The following ANKRD45 variants were observed in gnomAD, a reference collection of about 807,000 sequenced individuals.
ANKRD45 encodes ankyrin repeat domain-containing protein 45.
Under a neutral mutation model 28.1 loss-of-function variants are expected in ANKRD45, and 21 were observed. The ratio of observed to expected loss-of-function variants is 0.75; its 90% confidence interval spans 0.53 to 1.08. ANKRD45 has a LOEUF of 1.08. Among genes scored for constraint, ANKRD45 ranks in the 50% least tolerant of loss-of-function variants. The pLI is 0.00. For missense variants in ANKRD45, 261 were observed against 308.7 expected (o/e 0.85, Z 1.16); for synonymous variants, 86 against 103.9 (o/e 0.83, Z 1.05).
intron 3 of ANKRD45, among the ~76,000 whole-genome samples, chr1:173,641,698 A>G (rs1175480685): frequency 6.6e-6 from 1 of 152,116 alleles, no homozygotes; most frequent in Non-Finnish European, 1.5e-5. Flanking sequence ...GAAAGTAAAA[A>G]CAAGACACTG....
chr1:173,691,894 G>A, the ANKRD45 span, among the ~76,000 whole-genome samples: 1 of 152,238 alleles, frequency 6.6e-6, no homozygotes, highest in Non-Finnish European at 1.5e-5. Context: ...TGACGCACAT[G>A]GCCCCTGCTG....
At chr1:173,649,682 T>C (rs1181050087) in intron 2 of ANKRD45, among the ~76,000 whole-genome samples, 2 of 152,254 alleles carry the variant, frequency 1.3e-5, no homozygotes, top group East Asian at 1.9e-4. Flanking sequence ...CCCTTAGTGG[T>C]TGGGTTCTTT....
Position 173,649,109 on chromosome 1 carries a change from T to G in ANKRD45, c.329-2096A>C, listed in dbSNP as rs180922526. On this transcript the variant is annotated intron_variant, in intron 2 of 5. Coordinates refer to ENST00000333279, the MANE Select transcript of ANKRD45 (RefSeq NM_198493.3). Reference sequence around the variant, plus strand: ...AATTATTGTGTAATATTCCATTGTATGAAAACAATTTATCTACCCTTCTAT... The same window carrying G: ...AATTATTGTGTAATATTCCATTGTAGGAAAACAATTTATCTACCCTTCTAT... 5.6e-4 allele frequency among the ~76,000 whole-genome samples: 86 copies of G among 152,320 alleles called. 1 individual carries two copies. Among genetic ancestry groups the G allele is most frequent in the South Asian group, 3.7e-3 (18 of 4,828 alleles).
Position 173,646,877 on chromosome 1 carries a change from CTG to C in ANKRD45, c.463_464del (p.Gln155AspfsTer2), listed in dbSNP as rs1352993565. The C allele has an allele frequency of 6.2e-7, 1 of 1,614,060 alleles. No homozygotes were observed. The highest frequency in any genetic ancestry group is 1.3e-5 in the African/African-American group (1 of 74,936). On this transcript the variant is annotated frameshift_variant, in exon 3 of 6. Coordinates refer to ENST00000333279, the MANE Select transcript of ANKRD45 (RefSeq NM_198493.3). LOFTEE classifies it high-confidence loss of function. ...RARDVAARYS[Q>X]TECVEFLDWA... Reference sequence around the variant, plus strand: ...AGTCCAGGAATTCAACACACTCAGTCTGAGAATATCTAGCAGCAACATCTCGA... The same window carrying C: ...AGTCCAGGAATTCAACACACTCAGTCAGAATATCTAGCAGCAACATCTCGA...
At chr1:173,671,411 C>T (rs1670252707), upstream of ANKRD45, among the ~76,000 whole-genome samples, 1 of 152,096 alleles carries the variant, frequency 6.6e-6, no homozygotes, top group Non-Finnish European at 1.5e-5. Context: ...TGGGTACATT[C>T]AATTGGTAAG....
At chr1:173,629,376 ATTTT>A (rs1668086302) in intron 3 of ANKRD45, among the ~76,000 whole-genome samples, 1 of 152,198 alleles carries the variant, frequency 6.6e-6, no homozygotes, top group Admixed American at 6.5e-5. Flanking sequence ...CAAAATAGGT[ATTTT>A]GAGGAAACTC....
intron 5 of ANKRD45, among the ~76,000 whole-genome samples, chr1:173,621,920 C>T (rs1321532155): frequency 1.3e-5 from 2 of 152,078 alleles, no homozygotes; most frequent in Non-Finnish European, 2.9e-5. Context: ...ATTATCTCAG[C>T]CCAAAAGCTT....
At chr1:173,655,010 A>G (rs1196962143) in intron 2 of ANKRD45, among the ~76,000 whole-genome samples, 1 of 152,060 alleles carries the variant, frequency 6.6e-6, no homozygotes, top group Non-Finnish European at 1.5e-5. Context: ...ATCTTCTTTC[A>G]AGGTTTTTAG....
chr1:173,697,340 G>C, the ANKRD45 span, among the ~76,000 whole-genome samples: 1 of 151,942 alleles, frequency 6.6e-6, no homozygotes, highest in Non-Finnish European at 1.5e-5. Flanking sequence ...CCTCGAGAAG[G>C]GCAACCCCAA....
chr1:173,642,939 C>T (rs186458263), intron 3 of ANKRD45, among the ~76,000 whole-genome samples: 57 of 152,256 alleles, frequency 3.7e-4, no homozygotes, highest in African/African-American at 1.3e-3. Context: ...AGACTGCTAG[C>T]GAGCAGCAAC....
At chr1:173,621,725 C>T (rs1667713455) in intron 5 of ANKRD45, among the ~76,000 whole-genome samples, 1 of 152,118 alleles carries the variant, frequency 6.6e-6, no homozygotes, top group African/African-American at 2.4e-5. Flanking sequence ...AAAGTGGAAG[C>T]ATTCCCCTTG....
At chr1:173,696,996 T>A in the ANKRD45 span, among the ~76,000 whole-genome samples, 1 of 152,126 alleles carries the variant, frequency 6.6e-6, no homozygotes, top group South Asian at 2.1e-4. Flanking sequence ...CTGAAAACCA[T>A]GGCAGGAGAA....
chr1:173,672,347 G>A (rs1670285519), upstream of ANKRD45, among the ~76,000 whole-genome samples: 1 of 152,158 alleles, frequency 6.6e-6, no homozygotes, highest in Admixed American at 6.5e-5. Context: ...AGGTGATGAA[G>A]AGCAAGGCTA....
At chr1:173,665,108 A>G (rs529681912) in intron 1 of ANKRD45, among the ~76,000 whole-genome samples, 5 of 152,276 alleles carry the variant, frequency 3.3e-5, no homozygotes, top group Admixed American at 2.0e-4. Flanking sequence ...CTCCAGCAAA[A>G]TCATCCATGA....
chr1:173,667,527 C>A (rs1354396409), intron 1 of ANKRD45, among the ~76,000 whole-genome samples: 1 of 151,954 alleles, frequency 6.6e-6, no homozygotes, highest in East Asian at 1.9e-4. Context: ...TATGGTGAAA[C>A]CCCGTCTCTA....
chr1:173,667,813 C>T (rs1670090506), intron 1 of ANKRD45: 1 of 378,288 alleles, frequency 2.6e-6, no homozygotes, highest in African/African-American at 2.2e-5. Context: ...TTCCCTTTTC[C>T]AACTATATAT....
intron 3 of ANKRD45, chr1:173,635,635 T>C: frequency 1.3e-6 from 2 of 1,535,694 alleles, no homozygotes; most frequent in African/African-American, 1.4e-5. Context: ...GGGAGATTCT[T>C]CCAGAAGAAG....
intron 3 of ANKRD45, among the ~76,000 whole-genome samples, chr1:173,644,174 C>G (rs767936000): frequency 6.6e-6 from 1 of 152,144 alleles, no homozygotes; most frequent in Non-Finnish European, 1.5e-5. Context: ...ATTTCTGAAT[C>G]CTTTAAGTCT....
At chr1:173,656,786 C>T (rs1009911395) in intron 2 of ANKRD45, among the ~76,000 whole-genome samples, 4 of 151,958 alleles carry the variant, frequency 2.6e-5, no homozygotes, top group African/African-American at 9.7e-5. Context: ...AGTCTTATTT[C>T]TGATTATAAA....
Sources: allele counts gnomAD v4.1 joint callset (sites outside exome capture counted in the v4.1 genomes callset), GRCh38; gene constraint gnomAD v4.1.1; transcripts MANE v1.5; gene names NCBI Gene and HGNC (gene_info 2026-07-23, HGNC 2026-07-21).